The following ZNF804B variants were observed in gnomAD, a reference collection of about 807,000 sequenced individuals.
The protein encoded by ZNF804B is zinc finger 804B.
ZNF804B carries 80 observed loss-of-function variants against 101.4 expected under a neutral mutation model. That is an observed-to-expected ratio of 0.79 (90% CI 0.66 to 0.95). The LOEUF is 0.95. ZNF804B is among the 40% of genes least tolerant of loss of function. ZNF804B has a pLI of 0.00. For missense variants in ZNF804B, 1,673 were observed against 1,561.9 expected (o/e 1.07, Z -1.20); for synonymous variants, 622 against 558.8 (o/e 1.11, Z -1.59).
At chr7:89,124,670 G>A (rs978823575) in intron 1 of ZNF804B, among the ~76,000 whole-genome samples, 6 of 152,132 alleles carry the variant, frequency 3.9e-5, no homozygotes, top group African/African-American at 1.4e-4. Context: ...CTCAAAAATA[G>A]GTGATTATGA....
intron 1 of ZNF804B, among the ~76,000 whole-genome samples, chr7:89,123,135 T>C (rs1258100366): frequency 1.4e-5 from 2 of 143,912 alleles, no homozygotes; most frequent in African/African-American, 5.3e-5. Flanking sequence ...TAAGTAATTC[T>C]GAGCCCCAGG....
chr7:89,309,116 A>C (rs543242290), intron 2 of ZNF804B, among the ~76,000 whole-genome samples: 4 of 152,288 alleles, frequency 2.6e-5, no homozygotes, highest in African/African-American at 9.6e-5. Flanking sequence ...CCTGATAGGT[A>C]GTTATTTAAC....
intron 1 of ZNF804B, among the ~76,000 whole-genome samples, chr7:88,856,137 T>G (rs985734427): frequency 6.6e-6 from 1 of 152,182 alleles, no homozygotes. Flanking sequence ...TCCAATTCTG[T>G]GAAGAAAGTC....
At chr7:88,763,061 T>A (rs927891658) in intron 1 of ZNF804B, among the ~76,000 whole-genome samples, 1 of 152,164 alleles carries the variant, frequency 6.6e-6, no homozygotes, top group African/African-American at 2.4e-5. Flanking sequence ...TCTTTTGTAG[T>A]TCTGATATTA....
intron 1 of ZNF804B, among the ~76,000 whole-genome samples, chr7:89,188,339 T>C (rs1408586262): frequency 2.0e-5 from 3 of 152,112 alleles, no homozygotes; most frequent in Non-Finnish European, 4.4e-5. Context: ...GTTGTAAGTG[T>C]TCTGACTGCT....
chr7:89,135,030 C>T (rs946783163), intron 1 of ZNF804B, among the ~76,000 whole-genome samples: 3 of 151,956 alleles, frequency 2.0e-5, no homozygotes, highest in Admixed American at 6.6e-5. Context: ...TTTGTTAAAT[C>T]GTTCTACATA....
At chr7:88,783,411 T>G (rs1246795931) in intron 1 of ZNF804B, among the ~76,000 whole-genome samples, 2 of 152,182 alleles carry the variant, frequency 1.3e-5, no homozygotes, top group African/African-American at 2.4e-5. Flanking sequence ...TGGGCGCATC[T>G]CTACATGCTT....
chr7:89,262,201 T>C (rs1789721713), intron 2 of ZNF804B, among the ~76,000 whole-genome samples: 1 of 152,212 alleles, frequency 6.6e-6, no homozygotes, highest in East Asian at 1.9e-4. Context: ...TAGAGCTGGA[T>C]CAAGTGTAAT....
At chr7:88,775,983 G>T (rs1790134767) in intron 1 of ZNF804B, among the ~76,000 whole-genome samples, 2 of 152,192 alleles carry the variant, frequency 1.3e-5, no homozygotes, top group African/African-American at 4.8e-5. Flanking sequence ...GTACAGAGAG[G>T]TGCTTACAGG....
At chr7:88,769,065 T>C (rs1040194822) in intron 1 of ZNF804B, among the ~76,000 whole-genome samples, 1 of 152,212 alleles carries the variant, frequency 6.6e-6, no homozygotes, top group African/African-American at 2.4e-5. Context: ...TGTGTTGATA[T>C]GTGTGCATGC....
intron 1 of ZNF804B, among the ~76,000 whole-genome samples, chr7:88,997,121 A>T (rs745967919): frequency 1.3e-5 from 2 of 152,146 alleles, no homozygotes; most frequent in African/African-American, 2.4e-5. Flanking sequence ...AATTAGGGAC[A>T]CTGTTCCAAA....
At chr7:89,152,442 T>C (rs886547682) in intron 1 of ZNF804B, among the ~76,000 whole-genome samples, 6 of 151,990 alleles carry the variant, frequency 3.9e-5, no homozygotes, top group African/African-American at 1.4e-4. Context: ...TTCTATTAAA[T>C]TCAATTAAAA....
At position 88,759,740 on chromosome 7, in the gene ZNF804B, T is replaced by C. The variant is rs947473091; in HGVS notation, c.-237T>C. The stretch of plus-strand genomic sequence containing the variant: ...GCAGCATGTGGACTGGCTCGCCGGG[T>C]CCCCTCCGTGCTCTGTGCTGTCGCC... On this transcript the variant is annotated 5_prime_UTR_variant, in exon 1 of 4. Transcript: ENST00000333190. The C allele has an allele frequency of 2.4e-5, 13 of 547,266 alleles. No individual in the cohort carries two copies. The highest frequency in any genetic ancestry group is 4.3e-5 in the Non-Finnish European group (13 of 304,588). The allele number at this position is 547,266 out of a possible 1,614,324, so 33.9% of individuals were successfully genotyped here.
intron 1 of ZNF804B, among the ~76,000 whole-genome samples, chr7:88,787,958 T>C (rs1790326762): frequency 6.6e-6 from 1 of 152,090 alleles, no homozygotes; most frequent in Non-Finnish European, 1.5e-5. Context: ...GAGGATTGGA[T>C]TGATTGGCTG....
intron 1 of ZNF804B, among the ~76,000 whole-genome samples, chr7:89,100,880 A>C (rs1790044204): frequency 6.6e-6 from 1 of 152,004 alleles, no homozygotes; most frequent in Non-Finnish European, 1.5e-5. Flanking sequence ...ATATTAAATA[A>C]TTAAAAGAAA....
chr7:89,001,287 A>C (rs181104796), intron 1 of ZNF804B, among the ~76,000 whole-genome samples: 1 of 151,494 alleles, frequency 6.6e-6, no homozygotes, highest in Non-Finnish European at 1.5e-5. Flanking sequence ...ATAACTGTGA[A>C]GTAACATATA....
At chr7:88,771,858 A>T (rs7785139) in intron 1 of ZNF804B, among the ~76,000 whole-genome samples, 1 of 151,876 alleles carries the variant, frequency 6.6e-6, no homozygotes, top group Admixed American at 6.6e-5. Context: ...GAGAGGAGAT[A>T]TGAATTATGT....
At chr7:88,979,535 C>T (rs1050920806) in intron 1 of ZNF804B, among the ~76,000 whole-genome samples, 4 of 151,754 alleles carry the variant, frequency 2.6e-5, no homozygotes, top group African/African-American at 9.7e-5. Flanking sequence ...CACAGAAAAG[C>T]CTGCTGACAG....
At chr7:88,933,127 A>G (rs2116024143) in intron 1 of ZNF804B, among the ~76,000 whole-genome samples, 1 of 152,008 alleles carries the variant, frequency 6.6e-6, no homozygotes, top group African/African-American at 2.4e-5. Context: ...CCAGGGATGC[A>G]GGGATGGCTT....
Sources: allele counts gnomAD v4.1 joint callset (sites outside exome capture counted in the v4.1 genomes callset), GRCh38; gene constraint gnomAD v4.1.1; transcripts MANE v1.5; gene names NCBI Gene and HGNC (gene_info 2026-07-23, HGNC 2026-07-21).